Variants in PCM1 observed in about 807,000 individuals in gnomAD.
The protein encoded by PCM1 is pericentriolar material 1 protein.
Under a neutral mutation model 241.9 loss-of-function variants are expected in PCM1, and 157 were observed. That is an observed-to-expected ratio of 0.65 (90% CI 0.57 to 0.74). The LOEUF is 0.74. Ranked by LOEUF, PCM1 falls within the 30% of genes least tolerant of loss-of-function variation. PCM1 has a pLI of 0.00. For synonymous variants in PCM1, 1,085 were observed against 784.9 expected (o/e 1.38, Z -6.39); for missense variants, 3,478 against 2,360.1 (o/e 1.47, Z -9.81).
At chr8:17,944,218 G>C (rs1292839482) in intron 6 of PCM1, among the ~76,000 whole-genome samples, 1 of 152,112 alleles carries the variant, frequency 6.6e-6, no homozygotes, top group Non-Finnish European at 1.5e-5. Flanking sequence ...CTTCAGACAT[G>C]ATGTCTTATA....
At chr8:18,019,516 G>C (rs1259703555) in intron 36 of PCM1, among the ~76,000 whole-genome samples, 2 of 152,274 alleles carry the variant, frequency 1.3e-5, no homozygotes, top group Non-Finnish European at 2.9e-5. Context: ...TGGGAGACCT[G>C]AGCTTGTCTT....
intron 36 of PCM1, among the ~76,000 whole-genome samples, chr8:18,019,281 A>G (rs988590578): frequency 6.6e-6 from 1 of 152,148 alleles, no homozygotes; most frequent in Non-Finnish European, 1.5e-5. Flanking sequence ...TTAGCTTACA[A>G]TGGACATAAG....
At chr8:17,994,263 A>T (rs1417039305) in intron 29 of PCM1, among the ~76,000 whole-genome samples, 2 of 152,170 alleles carry the variant, frequency 1.3e-5, no homozygotes, top group African/African-American at 4.8e-5. Context: ...TAGCTCCCAC[A>T]AGTAAGTGAG....
At chr8:17,970,301 G>A (rs2076404623) in intron 22 of PCM1, among the ~76,000 whole-genome samples, 1 of 152,026 alleles carries the variant, frequency 6.6e-6, no homozygotes, top group African/African-American at 2.4e-5. Context: ...GTATCTCTCT[G>A]ATTGTCTTTC....
At chr8:18,017,211 G>C (rs578010638) in intron 36 of PCM1, among the ~76,000 whole-genome samples, 206 of 152,260 alleles carry the variant, frequency 1.4e-3, no homozygotes, top group Non-Finnish European at 2.1e-3. Flanking sequence ...CCAAAAAGTT[G>C]AATCTATTTC....
rs1564496293 is a variant in PCM1, at chr8:18,028,091, T to C, written c.*429T>C. The C allele has an allele frequency of 9.6e-6, 2 of 207,558 alleles. No individual in the cohort carries two copies. The highest frequency in any genetic ancestry group is 1.2e-4 in the Admixed American group (2 of 16,878). 12.9% of individuals were successfully genotyped at this position (207,558 alleles called of 1,614,324 possible). A position where few individuals can be genotyped will look rare whatever the true frequency, so the allele number is the denominator to read the frequency against. ...AGTTAGAGAAATATATTATTTGTTA[T>C]AAAGCCCATCCATTAGGCCAGTCTT... On this transcript the variant is annotated 3_prime_UTR_variant, in exon 39 of 39. Transcript: ENST00000325083.
At chr8:17,952,894 T>G (rs2066618613) in intron 8 of PCM1, 76 bp from the exon 9 acceptor site, 1 of 844,844 alleles carries the variant, frequency 1.2e-6, no homozygotes, top group East Asian at 2.7e-5. Context: ...AAAGAATATT[T>G]ATGCATTTAA....
chr8:17,959,596 A>C (rs2070645924), intron 13 of PCM1, among the ~76,000 whole-genome samples: 1 of 152,132 alleles, frequency 6.6e-6, no homozygotes, highest in African/African-American at 2.4e-5. Context: ...AATTTTCTAT[A>C]TGTATTTCCG....
At position 17,964,638 on chromosome 8, in the gene PCM1, T is replaced by A. The variant is rs1177834867; in HGVS notation, c.2725T>A (p.Ser909Thr). ...AGAAGGAGATGAAGACGGTTACCTT[T>A]CTGAAGGAATTGTTCGGACAGATGA... ...DEEGDEDGYL[S>T]EGIVRTDEEE... The change falls in exon 18 of 39, where the codon TCT (serine) becomes ACT (threonine). Residue 909 changes from serine to threonine, a missense_variant. Ser to Thr is a moderately conservative substitution (Grantham distance 58). Coordinates refer to ENST00000325083, the MANE Select transcript of PCM1 (RefSeq NM_006197.4). 6.2e-7 allele frequency: 1 copy of A among 1,613,800 alleles called. No homozygotes were observed. Among genetic ancestry groups the A allele is most frequent in the African/African-American group, 1.3e-5 (1 of 74,916 alleles).
chr8:17,961,473 G>C (rs1024618643), intron 15 of PCM1, among the ~76,000 whole-genome samples: 2 of 151,946 alleles, frequency 1.3e-5, no homozygotes, highest in African/African-American at 4.8e-5. Flanking sequence ...ACCACGCCCG[G>C]CTAATTTTTT....
rs571540020 is a variant in PCM1, at chr8:17,955,778, A to T, written c.1472+125A>T. 45 of 773,504 alleles carry T rather than the reference A, an allele frequency of 5.8e-5. No homozygotes were observed. The South Asian group carries it at 7.1e-4, about 12-fold the overall frequency. The allele number at this position is 773,504 out of a possible 1,614,324, so 47.9% of individuals were successfully genotyped here. On this transcript the variant is annotated intron_variant, in intron 10 of 38. Coordinates refer to ENST00000325083, the MANE Select transcript of PCM1 (RefSeq NM_006197.4). ...ATATTGTTGTAAACATTCTTAAGGG[A>T]TAGGTAGAAGAGGCGTGTGTGTGTT...
At chr8:17,957,160 C>A in intron 11 of PCM1, 104 bp from the exon 12 acceptor site, 2 of 848,532 alleles carry the variant, frequency 2.4e-6, no homozygotes, top group Non-Finnish European at 3.6e-6. Context: ...GAATAGCCAA[C>A]AATGTGCTTG....
intron 34 of PCM1, among the ~76,000 whole-genome samples, chr8:18,012,602 A>T (rs189639527): frequency 1.3e-5 from 2 of 152,084 alleles, no homozygotes; most frequent in African/African-American, 4.8e-5. Context: ...GGAGTTGGAT[A>T]TTTTACTGTG....
chr8:17,990,698 T>C (rs1412390875), intron 27 of PCM1, among the ~76,000 whole-genome samples: 1 of 152,154 alleles, frequency 6.6e-6, no homozygotes, highest in Non-Finnish European at 1.5e-5. Flanking sequence ...GCTTAGTTGA[T>C]AAAATAATGT....
At chr8:17,982,921 A>G (rs1408639180) in intron 24 of PCM1, among the ~76,000 whole-genome samples, 1 of 152,232 alleles carries the variant, frequency 6.6e-6, no homozygotes, top group African/African-American at 2.4e-5. Flanking sequence ...GACTGCTAGT[A>G]TTAAATTACG....
chr8:18,014,391 C>G (rs1281527198), intron 35 of PCM1, among the ~76,000 whole-genome samples, 193 bp from the exon 36 acceptor site: 1 of 112,086 alleles, frequency 8.9e-6, no homozygotes, highest in Non-Finnish European at 2.4e-5. Flanking sequence ...GAATCTGAGT[C>G]TTAAAATGCT....
At chr8:18,000,833 C>A (rs867452904) in intron 29 of PCM1, among the ~76,000 whole-genome samples, 1 of 152,064 alleles carries the variant, frequency 6.6e-6, no homozygotes, top group African/African-American at 2.4e-5. Flanking sequence ...ATGTTGACCA[C>A]GCTGACCTCA....
chr8:17,963,997 A>G (rs1182824109), intron 17 of PCM1, among the ~76,000 whole-genome samples: 1 of 152,126 alleles, frequency 6.6e-6, no homozygotes, highest in African/African-American at 2.4e-5. Flanking sequence ...TCTGGGTACT[A>G]CACGTCTGTT....
intron 7 of PCM1, among the ~76,000 whole-genome samples, chr8:17,950,222 G>T (rs1052492475): frequency 6.6e-6 from 1 of 152,172 alleles, no homozygotes; most frequent in Non-Finnish European, 1.5e-5. Flanking sequence ...CTCTACCGGA[G>T]AATTGATTCT....
Sources: allele counts gnomAD v4.1 joint callset (sites outside exome capture counted in the v4.1 genomes callset), GRCh38; gene constraint gnomAD v4.1.1; transcripts MANE v1.5; gene names NCBI Gene and HGNC (gene_info 2026-07-23, HGNC 2026-07-21).